THADA: variants seen among roughly 807,000 people sequenced by gnomAD.
THADA encodes the protein tRNA (32-2'-O)-methyltransferase regulator THADA.
Under a neutral mutation model 219.8 loss-of-function variants are expected in THADA, and 213 were observed. The observed-to-expected ratio is 0.97, with a 90% CI of 0.87 to 1.09. The LOEUF (loss-of-function observed/expected upper bound fraction) is 1.09. THADA is among the 50% of genes least tolerant of loss of function. The probability of loss-of-function intolerance (pLI) is 0.00; values close to 1 mark genes in which losing one functional copy is unlikely to be tolerated. For missense variants in THADA, 2,956 were observed against 2,311.3 expected, an observed-to-expected ratio of 1.28 and a Z score of -5.72; for synonymous variants, 1,018 against 828.9, an observed-to-expected ratio of 1.23 and a Z score of -3.92.
At chr2:43,378,693 C>T (rs1041091190) in intron 29 of THADA, among the ~76,000 whole-genome samples, 1 of 152,188 alleles carries the variant, frequency 6.6e-6, no homozygotes, top group African/African-American at 2.4e-5. Flanking sequence ...GCAACCTCCA[C>T]TTCCAGGGTT....
intron 22 of THADA, among the ~76,000 whole-genome samples, chr2:43,519,414 T>C: frequency 6.6e-6 from 1 of 152,072 alleles, no homozygotes; most frequent in Non-Finnish European, 1.5e-5. Flanking sequence ...GAAAATAAAA[T>C]AAAAATGCTT....
chr2:43,587,950 C>A (rs1039609036), intron 4 of THADA, among the ~76,000 whole-genome samples: 3 of 152,074 alleles, frequency 2.0e-5, no homozygotes, highest in African/African-American at 7.2e-5. Flanking sequence ...CTGGACAGTT[C>A]AAAGTTTTTC....
chr2:43,437,824 C>T (rs1680312247), intron 26 of THADA, among the ~76,000 whole-genome samples: 1 of 152,042 alleles, frequency 6.6e-6, no homozygotes, highest in Non-Finnish European at 1.5e-5. Flanking sequence ...ATACAGGCCA[C>T]AAATGGGGAG....
At chr2:43,420,039 C>T (rs1677497265) in intron 28 of THADA, among the ~76,000 whole-genome samples, 1 of 152,202 alleles carries the variant, frequency 6.6e-6, no homozygotes, top group African/African-American at 2.4e-5. Context: ...TAAAACTCTC[C>T]ATCACAATCT....
In THADA at chr2:43,546,392, G is replaced by C. The variant is rs1373541601; in HGVS notation, c.3106+2818C>G. Among the ~76,000 whole-genome samples, 3 of 152,242 alleles carry C rather than the reference G, an allele frequency of 2.0e-5. No homozygotes were observed. The East Asian group carries it at 5.8e-4, about 29-fold the overall frequency. On this transcript the variant is annotated intron_variant, in intron 20 of 37. Coordinates refer to ENST00000405975, the MANE Select transcript of THADA (RefSeq NM_022065.5). ...CTGTAGATGTCTATTAGGTCCGCTTGGTGCAGAACTGAGTTCAATTCCTGG... is the reference window on the plus strand; with the variant it reads ...CTGTAGATGTCTATTAGGTCCGCTTCGTGCAGAACTGAGTTCAATTCCTGG...
chr2:43,349,540 T>C (rs1024612464), intron 29 of THADA, among the ~76,000 whole-genome samples: 2 of 152,200 alleles, frequency 1.3e-5, no homozygotes, highest in African/African-American at 4.8e-5. Context: ...TATGGTTGTT[T>C]GGGAATGCAA....
At chr2:43,371,129 T>C (rs894870108) in intron 29 of THADA, among the ~76,000 whole-genome samples, 14 of 152,196 alleles carry the variant, frequency 9.2e-5, no homozygotes, top group African/African-American at 3.4e-4. Context: ...AACTTGAAGG[T>C]AGATTTTTAT....
chr2:43,393,800 C>G lies in THADA; in HGVS notation c.4227+4171G>C, dbSNP rs140566521. ...ACAACAACAAAAGACCCAAAATAGA[C>G]AAGAAATGAAAAAACTGAAAATTCA... On this transcript the variant is annotated intron_variant, in intron 29 of 37. Transcript: ENST00000405975. 3.1e-3 allele frequency among the ~76,000 whole-genome samples: 463 copies of G among 151,476 alleles called. 4 individuals carry two copies. Among genetic ancestry groups the G allele is most frequent in the African/African-American group, 0.011 (450 of 41,292 alleles).
chr2:43,572,197 G>C (rs1382017103), intron 12 of THADA, among the ~76,000 whole-genome samples: 2 of 152,014 alleles, frequency 1.3e-5, no homozygotes, highest in Non-Finnish European at 2.9e-5. Flanking sequence ...CTTCTAACTG[G>C]TTTCCTGGTT....
chr2:43,284,748 C>T (rs1673786592), intron 35 of THADA, among the ~76,000 whole-genome samples: 1 of 152,168 alleles, frequency 6.6e-6, no homozygotes. Flanking sequence ...GCACTGTGTG[C>T]CTGGAAAAGC....
At chr2:43,346,354 G>A (rs920358289) in intron 29 of THADA, among the ~76,000 whole-genome samples, 1 of 152,182 alleles carries the variant, frequency 6.6e-6, no homozygotes, top group Non-Finnish European at 1.5e-5. Flanking sequence ...TGAGGTCCAG[G>A]TATAAGGCCA....
At chr2:43,482,588 G>A (rs529620784) in intron 26 of THADA, among the ~76,000 whole-genome samples, 16 of 152,266 alleles carry the variant, frequency 1.1e-4, no homozygotes, top group African/African-American at 3.6e-4. Context: ...TGTAACAAAC[G>A]CAGGAGTAGA....
chr2:43,545,480 T>A (rs1033557606), intron 20 of THADA, among the ~76,000 whole-genome samples: 3 of 152,162 alleles, frequency 2.0e-5, no homozygotes, highest in African/African-American at 7.2e-5. Context: ...TCTGGTAGAA[T>A]TCGGCTGTGA....
intron 28 of THADA, among the ~76,000 whole-genome samples, chr2:43,421,289 T>C (rs997445575): frequency 2.0e-5 from 3 of 152,170 alleles, no homozygotes; most frequent in Admixed American, 6.5e-5. Context: ...GAACCCTTTT[T>C]TCACCCAACA....
chr2:43,471,425 C>T (rs538574593), intron 26 of THADA, among the ~76,000 whole-genome samples: 6 of 151,916 alleles, frequency 3.9e-5, no homozygotes, highest in African/African-American at 7.3e-5. Flanking sequence ...TACTCGGCGG[C>T]GGGGCTGAGG....
chr2:43,530,829 G>C (rs766070352), intron 21 of THADA, among the ~76,000 whole-genome samples: 1 of 152,060 alleles, frequency 6.6e-6, no homozygotes, highest in Non-Finnish European at 1.5e-5. Context: ...ACCAGTGGGT[G>C]GTCTTCTCAA....
At chr2:43,541,794 C>A (rs1695356915) in intron 20 of THADA, among the ~76,000 whole-genome samples, 1 of 151,922 alleles carries the variant, frequency 6.6e-6, no homozygotes, top group Non-Finnish European at 1.5e-5. Context: ...ATGCCAGGCC[C>A]AGTATTTTAA....
intron 30 of THADA, among the ~76,000 whole-genome samples, chr2:43,327,258 T>A (rs9309097): frequency 0.25 from 37,692 of 151,982 alleles, 5,476 homozygotes; most frequent in African/African-American, 0.4. Flanking sequence ...TAGCTCCTAT[T>A]TAAGCAGCTC....
At chr2:43,277,580 T>A (rs1672859998) in intron 36 of THADA, among the ~76,000 whole-genome samples, 1 of 152,240 alleles carries the variant, frequency 6.6e-6, no homozygotes, top group Non-Finnish European at 1.5e-5. Flanking sequence ...GAGCTCTGTC[T>A]GCATCCATCC....
Sources: allele counts gnomAD v4.1 joint callset (sites outside exome capture counted in the v4.1 genomes callset), GRCh38; gene constraint gnomAD v4.1.1; transcripts MANE v1.5; gene names NCBI Gene and HGNC (gene_info 2026-07-23, HGNC 2026-07-21).